Variants in MORC1 observed in about 807,000 individuals in gnomAD.
MORC1 encodes MORC family CW-type zinc finger protein 1.
A neutral mutation model predicts 134.9 loss-of-function variants in MORC1; 59 were observed. The observed-to-expected ratio is 0.44, with a 90% CI of 0.35 to 0.54. The LOEUF (loss-of-function observed/expected upper bound fraction) is 0.54, where lower values mean the gene tolerates loss of function less well. Ranked by LOEUF, MORC1 falls within the 20% of genes least tolerant of loss-of-function variation. The pLI, the probability that MORC1 is intolerant of heterozygous loss-of-function variation, is 0.00. For synonymous variants in MORC1, 395 were observed against 391.7 expected (o/e 1.01, Z -0.10); for missense variants, 947 against 1,134.5 (o/e 0.83, Z 2.37).
At chr3:109,062,153 A>C in intron 10 of MORC1, 95 bp from the exon 11 acceptor site, 1 of 1,049,910 alleles carries the variant, frequency 9.5e-7, no homozygotes, top group East Asian at 2.4e-5. Flanking sequence ...CCAGTGAAAA[A>C]GGCATACAGA....
chr3:108,987,957 A>C (rs946870221), intron 21 of MORC1, among the ~76,000 whole-genome samples: 4 of 152,100 alleles, frequency 2.6e-5, no homozygotes, highest in African/African-American at 9.7e-5. Context: ...CTGAACACGC[A>C]CTGATACGCA....
rs182594085 is a variant in MORC1 at position 109,041,172 on chromosome 3, G to A, written c.1331-5704C>T. 1.1e-4 allele frequency among the ~76,000 whole-genome samples: 16 copies of A among 151,678 alleles called. No homozygotes were observed. The East Asian group carries it at 2.0e-3, about 19-fold the overall frequency. On this transcript the variant is annotated intron_variant, in intron 14 of 27. Transcript: ENST00000232603. Reference sequence around the variant, plus strand: ...TAAAAATACAAAAAAATAGCCAGGCGTGGTGGCGGGCGCCTGTAGTCCCAG... The same window carrying A: ...TAAAAATACAAAAAAATAGCCAGGCATGGTGGCGGGCGCCTGTAGTCCCAG...
intron 21 of MORC1, among the ~76,000 whole-genome samples, chr3:108,995,198 A>G (rs3804701): frequency 0.3 from 45,433 of 152,062 alleles, 7,621 homozygotes; most frequent in Non-Finnish European, 0.37. Context: ...ACCCTTAATT[A>G]CAGCAGTACC....
intron 11 of MORC1, 149 bp from the exon 12 acceptor site, chr3:109,060,019 A>G: frequency 1.6e-6 from 1 of 642,660 alleles, no homozygotes; most frequent in Non-Finnish European, 2.6e-6. Flanking sequence ...TCAATACTTG[A>G]TAAATTATTC....
chr3:109,076,540 C>A (rs1576716257), intron 8 of MORC1, among the ~76,000 whole-genome samples: 2 of 152,254 alleles, frequency 1.3e-5, no homozygotes, highest in East Asian at 3.9e-4. Context: ...ATGTTTATTG[C>A]AGCACTATTC....
intron 27 of MORC1, among the ~76,000 whole-genome samples, chr3:108,963,187 CA>C (rs34109895): frequency 0.41 from 46,169 of 112,026 alleles, 7,377 homozygotes; most frequent in Middle Eastern, 0.57. Flanking sequence ...GACTCCATCT[CA>C]AAAAAAAAAA....
At chr3:109,062,693 G>A (rs1348434226) in intron 10 of MORC1, among the ~76,000 whole-genome samples, 1 of 152,086 alleles carries the variant, frequency 6.6e-6, no homozygotes, top group African/African-American at 2.4e-5. Flanking sequence ...TCTTAAAGCG[G>A]ATGCAGTGCA....
intron 5 of MORC1, 77 bp downstream of exon 5, chr3:109,100,340 T>A: frequency 8.9e-7 from 1 of 1,122,306 alleles, no homozygotes; most frequent in Non-Finnish European, 1.4e-6. Flanking sequence ...CATGCCTGCA[T>A]CATTCTGTGT....
chr3:109,096,422 G>A (rs1165870164), intron 6 of MORC1, among the ~76,000 whole-genome samples: 2 of 152,134 alleles, frequency 1.3e-5, no homozygotes, highest in African/African-American at 4.8e-5. Flanking sequence ...CCAAGATGGT[G>A]ACCTCTGGTC....
intron 15 of MORC1, among the ~76,000 whole-genome samples, chr3:109,033,758 A>C (rs182949175): frequency 4.6e-5 from 7 of 152,238 alleles, no homozygotes; most frequent in African/African-American, 7.2e-5. Flanking sequence ...CCTCCTCCTC[A>C]TCATCATCAT....
At chr3:109,094,627 C>T (rs906916319) in intron 7 of MORC1, among the ~76,000 whole-genome samples, 2 of 152,124 alleles carry the variant, frequency 1.3e-5, no homozygotes, top group African/African-American at 2.4e-5. Flanking sequence ...TCTAGTGCAG[C>T]GACTGTGGAG....
chr3:108,968,886 A>G (rs953989079), intron 26 of MORC1, among the ~76,000 whole-genome samples: 8 of 152,146 alleles, frequency 5.3e-5, no homozygotes, highest in African/African-American at 1.4e-4. Flanking sequence ...GGGAATCTTC[A>G]TGGCCATCCT....
rs369863939 is a variant in MORC1, at chr3:109,062,207, CAT to C, written c.896-151_896-150del. ...CTATGTTCCTCTTATAACTTTTACA[CAT>C]GTTAAATTTTCCTTCTATTGGGGTT... is the stretch of plus-strand genomic sequence containing the variant. On this transcript the variant is annotated intron_variant, in intron 10 of 27. Coordinates refer to ENST00000232603, the MANE Select transcript of MORC1 (RefSeq NM_014429.4). 429 of 678,804 alleles carry C rather than the reference CAT, an allele frequency of 6.3e-4. 3 individuals carry two copies. The highest frequency in any genetic ancestry group is 5.9e-3 in the African/African-American group (326 of 55,540). The allele number at this position is 678,804 out of a possible 1,614,324, so 42.0% of individuals were successfully genotyped here. A position where few individuals can be genotyped will look rare whatever the true frequency, so the allele number is the denominator to read the frequency against.
At chr3:108,990,155 A>G (rs1048492027) in intron 21 of MORC1, among the ~76,000 whole-genome samples, 2 of 152,158 alleles carry the variant, frequency 1.3e-5, no homozygotes, top group African/African-American at 4.8e-5. Context: ...TTTATAAATT[A>G]TCCAGTCTCA....
intron 14 of MORC1, among the ~76,000 whole-genome samples, chr3:109,051,816 G>C (rs983927283): frequency 1.3e-5 from 2 of 152,094 alleles, no homozygotes; most frequent in African/African-American, 4.8e-5. Flanking sequence ...TAGGTAAGGA[G>C]TGGGGGCTAG....
At chr3:108,988,339 C>T (rs528347007) in intron 21 of MORC1, among the ~76,000 whole-genome samples, 8 of 152,080 alleles carry the variant, frequency 5.3e-5, no homozygotes, top group Admixed American at 5.2e-4. Flanking sequence ...TTGTCTATTT[C>T]AAAAAATTTT....
At chr3:108,987,447 G>T (rs1947925675) in intron 21 of MORC1, among the ~76,000 whole-genome samples, 1 of 152,116 alleles carries the variant, frequency 6.6e-6, no homozygotes, top group Non-Finnish European at 1.5e-5. Flanking sequence ...TAAGAAGATG[G>T]GGAAAGGGAG....
chr3:109,073,971 C>T (rs868859087), intron 8 of MORC1, among the ~76,000 whole-genome samples: 4 of 152,250 alleles, frequency 2.6e-5, no homozygotes, highest in African/African-American at 7.2e-5. Context: ...GTGACAACCA[C>T]AGTATGGCAA....
At chr3:109,097,110 C>T (rs542838757) in intron 6 of MORC1, among the ~76,000 whole-genome samples, 96 of 152,106 alleles carry the variant, frequency 6.3e-4, no homozygotes, top group African/African-American at 2.2e-3. Context: ...AAATAGACCA[C>T]GCAAAGGCAA....
Sources: allele counts gnomAD v4.1 joint callset (sites outside exome capture counted in the v4.1 genomes callset), GRCh38; gene constraint gnomAD v4.1.1; transcripts MANE v1.5; gene names NCBI Gene and HGNC (gene_info 2026-07-23, HGNC 2026-07-21).